JAK2: variants seen among roughly 807,000 people sequenced by gnomAD.
The protein encoded by JAK2 is tyrosine-protein kinase JAK2.
In JAK2, 86 loss-of-function variants were observed where a neutral mutation model predicts 139.3. That is an observed-to-expected ratio of 0.62 (90% CI 0.52 to 0.74). JAK2 has a LOEUF of 0.74. Ranked by LOEUF, JAK2 falls within the 30% of genes least tolerant of loss-of-function variation. The pLI is 0.00. For missense variants in JAK2, 1,421 were observed against 1,360.3 expected (o/e 1.04, Z -0.70); for synonymous variants, 490 against 437.7 (o/e 1.12, Z -1.49).
At chr9:5,033,722 A>G (rs973614145) in intron 4 of JAK2, among the ~76,000 whole-genome samples, 8 of 152,196 alleles carry the variant, frequency 5.3e-5, no homozygotes, top group African/African-American at 1.9e-4. Flanking sequence ...GCCTGCCCTA[A>G]AAGAGCTCCT....
At chr9:5,017,609 G>C (rs889907075) in intron 2 of JAK2, among the ~76,000 whole-genome samples, 4 of 152,010 alleles carry the variant, frequency 2.6e-5, no homozygotes, top group African/African-American at 7.3e-5. Context: ...TTTGATGTAG[G>C]TATTTATTGC....
chr9:5,039,034 A>T (rs906003794), intron 4 of JAK2, among the ~76,000 whole-genome samples: 1 of 152,142 alleles, frequency 6.6e-6, no homozygotes, highest in Non-Finnish European at 1.5e-5. Flanking sequence ...TCTGTAAAAA[A>T]TTCAAAAGTA....
intron 19 of JAK2, among the ~76,000 whole-genome samples, chr9:5,087,671 G>A (rs1290794536): frequency 6.6e-6 from 1 of 152,212 alleles, no homozygotes; most frequent in African/African-American, 2.4e-5. Flanking sequence ...ATTGTTGGCA[G>A]GGATGTGATA....
At chr9:5,030,736 A>G (rs747205498) in intron 4 of JAK2, among the ~76,000 whole-genome samples, 6 of 152,054 alleles carry the variant, frequency 3.9e-5, no homozygotes, top group Non-Finnish European at 7.4e-5. Context: ...GTGCTCTCTC[A>G]ATAAATTTTA....
rs372856711 is a variant in JAK2 at position 5,081,750 on chromosome 9, C to T, written c.2460C>T (p.Asp820=). The part of the protein sequence containing the change: ...TPDYELLTEN[D]MLPNMRIGAL... ...ATTATGAACTATTAACAGAAAATGA[C>T]ATGTTACCAAATATGAGGATAGGTG... The change falls in exon 19 of 25, where the codon GAC becomes GAT. Residue 820 remains aspartate, a synonymous_variant. Coordinates refer to ENST00000381652, the MANE Select transcript of JAK2 (RefSeq NM_004972.4). 9.8e-5 allele frequency: 156 copies of T among 1,597,186 alleles called. No individual in the cohort carries two copies. The highest frequency in any genetic ancestry group is 1.8e-4 in the Admixed American group (11 of 59,948).
At chr9:5,068,544 T>C (rs1258132652) in intron 10 of JAK2, among the ~76,000 whole-genome samples, 1 of 152,160 alleles carries the variant, frequency 6.6e-6, no homozygotes, top group African/African-American at 2.4e-5. Context: ...TATACATTCT[T>C]AGGTAGAAAG....
chr9:5,119,298 A>C (rs1823439252), intron 22 of JAK2, among the ~76,000 whole-genome samples: 1 of 152,128 alleles, frequency 6.6e-6, no homozygotes, highest in South Asian at 2.1e-4. Flanking sequence ...GAACAAATGC[A>C]TGGAGGTATG....
intron 2 of JAK2, among the ~76,000 whole-genome samples, chr9:5,014,845 C>T (rs1197099285): frequency 6.6e-6 from 1 of 152,090 alleles, no homozygotes; most frequent in Non-Finnish European, 1.5e-5. Context: ...ATGTGTTTCT[C>T]CCTAGCTATT....
chr9:5,073,826 ATC>A (rs1457501108), intron 14 of JAK2, 41 bp downstream of exon 14: 1 of 1,297,840 alleles, frequency 7.7e-7, no homozygotes, highest in Non-Finnish European at 1.1e-6. Context: ...TTCTCAGAGC[ATC>A]TGTTTTTGTT....
At chr9:5,118,308 A>G (rs1011951743) in intron 22 of JAK2, among the ~76,000 whole-genome samples, 3 of 152,238 alleles carry the variant, frequency 2.0e-5, no homozygotes, top group Middle Eastern at 3.4e-3. Flanking sequence ...TTCTCATTCC[A>G]AATTTTGCAT....
intron 9 of JAK2, among the ~76,000 whole-genome samples, chr9:5,065,580 G>A (rs1159382891): frequency 6.6e-6 from 1 of 152,160 alleles, no homozygotes; most frequent in South Asian, 2.1e-4. Flanking sequence ...TAATGCAACC[G>A]AGGAACTGAA....
At chr9:5,085,941 T>G in intron 19 of JAK2, 1 of 1,118,694 alleles carries the variant, frequency 8.9e-7, no homozygotes, top group South Asian at 1.2e-5. Context: ...CCAACCGAGT[T>G]TGAAAGGATC....
chr9:5,069,817 T>A lies in JAK2; in HGVS notation c.1514-108T>A, dbSNP rs553169819. The A allele has an allele frequency of 1.1e-3, 583 of 538,126 alleles. 1 individual carries two copies. Among genetic ancestry groups the A allele is most frequent in the African/African-American group, 0.011 (543 of 51,066 alleles). 33.3% of individuals were successfully genotyped at this position (538,126 alleles called of 1,614,324 possible). A position where few individuals can be genotyped will look rare whatever the true frequency, so the allele number is the denominator to read the frequency against. ...ATTATAAAAAAAGAACAATTAGGAGTTATTAAGCATTTCTTATACGTAGAA... is the reference window on the plus strand; with the variant it reads ...ATTATAAAAAAAGAACAATTAGGAGATATTAAGCATTTCTTATACGTAGAA... On this transcript the variant is annotated intron_variant, in intron 11 of 24. Coordinates refer to ENST00000381652, the MANE Select transcript of JAK2 (RefSeq NM_004972.4).
intron 22 of JAK2, chr9:5,099,245 T>C (rs775883586): frequency 3.3e-5 from 5 of 152,198 alleles, no homozygotes; most frequent in African/African-American, 7.2e-5. Context: ...TGCTCAGAAA[T>C]TTGTGAATCT....
intron 3 of JAK2, among the ~76,000 whole-genome samples, chr9:5,024,977 G>A (rs1336986296): frequency 6.6e-6 from 1 of 152,184 alleles, no homozygotes. Context: ...CTGGTGGGCA[G>A]GACATGGGCG....
intron 6 of JAK2, among the ~76,000 whole-genome samples, chr9:5,052,921 T>G (rs1817520563): frequency 6.6e-6 from 1 of 152,104 alleles, no homozygotes; most frequent in Non-Finnish European, 1.5e-5. Flanking sequence ...GCTGCTTCCA[T>G]GTTTTGGCTA....
chr9:4,992,281 T>C lies in JAK2; in HGVS notation c.-26+6259T>C, dbSNP rs185340603. Among the ~76,000 whole-genome samples, 11 of 152,250 alleles carry C rather than the reference T, an allele frequency of 7.2e-5. No homozygotes were observed. In the South Asian group the frequency reaches 1.2e-3, roughly 17 times the overall value. On this transcript the variant is annotated intron_variant, in intron 2 of 24. Coordinates refer to ENST00000381652, the MANE Select transcript of JAK2 (RefSeq NM_004972.4). ...GTGGCTTCAGGGTGGTCACCTTTCA[T>C]AGTGGTGAGTAGAGAATTAAAAGTG...
intron 4 of JAK2, among the ~76,000 whole-genome samples, chr9:5,035,848 C>T (rs913098546): frequency 6.6e-6 from 1 of 152,168 alleles, no homozygotes; most frequent in Non-Finnish European, 1.5e-5. Flanking sequence ...TCTCACCACT[C>T]CTATTCAACA....
At chr9:5,085,258 T>G (rs1464544314) in intron 19 of JAK2, 2 of 681,912 alleles carry the variant, frequency 2.9e-6, no homozygotes, top group Non-Finnish European at 5.6e-6. Flanking sequence ...TAACCTGAGA[T>G]TCACATCAGC....
Sources: gnomAD v4.1 joint callset for allele counts (sites outside exome capture counted in the v4.1 genomes callset) on GRCh38, gnomAD v4.1.1 for gene constraint, MANE v1.5 for transcripts, NCBI Gene and HGNC (gene_info 2026-07-23, HGNC 2026-07-21) for gene names.